The following TFB2M variants were observed in gnomAD, a reference collection of about 807,000 sequenced individuals.
The protein encoded by TFB2M is dimethyladenosine transferase 2, mitochondrial.
TFB2M carries 44 observed loss-of-function variants against 41.3 expected under a neutral mutation model. That is an observed-to-expected ratio of 1.07 (90% CI 0.84 to 1.37). The LOEUF (loss-of-function observed/expected upper bound fraction) is 1.37, where lower values mean the gene tolerates loss of function less well. Ranked by LOEUF, TFB2M falls within the 40% of genes most tolerant of loss-of-function variation. The pLI, the probability that TFB2M is intolerant of heterozygous loss-of-function variation, is 0.00. For synonymous variants in TFB2M, 188 were observed against 176.8 expected, an observed-to-expected ratio of 1.06 and a Z score of -0.50; for missense variants, 496 against 490.2, an observed-to-expected ratio of 1.01 and a Z score of -0.11.
At chr1:246,541,754 TCTTAA>T (rs1188606524) in intron 7 of TFB2M, among the ~76,000 whole-genome samples, 2 of 152,236 alleles carry the variant, frequency 1.3e-5, no homozygotes, top group African/African-American at 2.4e-5. Flanking sequence ...CAAAAAATAT[TCTTAA>T]CTTCTTTTGG....
intron 3 of TFB2M, 70 bp from the exon 4 acceptor site, chr1:246,556,791 G>T: frequency 1.6e-6 from 2 of 1,265,238 alleles, no homozygotes; most frequent in Non-Finnish European, 2.2e-6. Context: ...ATATTTTTTT[G>T]AGACAAACTA....
chr1:246,556,691 G>C lies in TFB2M; in HGVS notation c.587C>G (p.Pro196Arg). ...AAGTGCCCTTTTCTCACCTCTACTTGGGAACATTCCAACTACTTTTAAAGG... is the reference window on the plus strand; with the variant it reads ...AAGTGCCCTTTTCTCACCTCTACTTCGGAACATTCCAACTACTTTTAAAGG... ...DIPLKVVGMFPSRGEKRALWK... is the reference protein window; with the variant it reads ...DIPLKVVGMFRSRGEKRALWK... Residue 196 changes from proline (P) to arginine (R), a missense_variant, in exon 4 of 8, where the codon CCA (proline) becomes CGA (arginine). Transcript: ENST00000366514. 2 of 1,575,414 alleles carry C rather than the reference G, an allele frequency of 1.3e-6. No individual in the cohort carries two copies. The highest frequency in any genetic ancestry group is 1.7e-6 in the Non-Finnish European group (2 of 1,168,540).
intron 4 of TFB2M, among the ~76,000 whole-genome samples, chr1:246,555,122 A>C (rs1659287040): frequency 6.6e-6 from 1 of 152,200 alleles, no homozygotes; most frequent in Non-Finnish European, 1.5e-5. Flanking sequence ...GGAAAATGCA[A>C]ATCAAAAGCA....
At chr1:246,542,859 C>T (rs1572082372) in intron 7 of TFB2M, among the ~76,000 whole-genome samples, 1 of 147,212 alleles carries the variant, frequency 6.8e-6, no homozygotes. Context: ...TAATAGATTG[C>T]CTTTTATTAG....
At chr1:246,554,413 G>A (rs901655943) in intron 4 of TFB2M, among the ~76,000 whole-genome samples, 12 of 152,122 alleles carry the variant, frequency 7.9e-5, no homozygotes, top group Admixed American at 3.3e-4. Flanking sequence ...GCTCCCCACC[G>A]TTCACATCAC....
chr1:246,544,097 G>A (rs989223290), intron 7 of TFB2M, among the ~76,000 whole-genome samples: 1 of 152,204 alleles, frequency 6.6e-6, no homozygotes, highest in Non-Finnish European at 1.5e-5. Flanking sequence ...ATTTGATCCA[G>A]AGCAAGGGAA....
chr1:246,543,718 G>C lies in TFB2M; in HGVS notation c.1019+803C>G, dbSNP rs570233619. ...GGAGGCCAAGCAAGGTGGATTGCTT[G>C]AGGCCAGGAATTTGAGACCAGCCTG... is the stretch of plus-strand genomic sequence containing the variant. On this transcript the variant is annotated intron_variant, in intron 7 of 7. Coordinates refer to ENST00000366514, the MANE Select transcript of TFB2M (RefSeq NM_022366.3). 3.9e-5 allele frequency among the ~76,000 whole-genome samples: 6 copies of C among 152,340 alleles called. No homozygotes were observed. In the South Asian group the frequency reaches 1.0e-3, roughly 26 times the overall value.
In TFB2M at chr1:246,560,367, C is replaced by CA. The variant is rs1659426630; in HGVS notation, c.403-2834dup. Among the ~76,000 whole-genome samples, 4 of 152,172 alleles carry CA rather than the reference C, an allele frequency of 2.6e-5. No individual in the cohort carries two copies. The South Asian group carries it at 8.3e-4, about 32-fold the overall frequency. On this transcript the variant is annotated intron_variant, in intron 2 of 7. Transcript: ENST00000366514. ...CAAAACCCTGTCTCTACTAATAATA[C>CA]AAAAAATCAGCCAGGTGTGGGGGCG... is the stretch of plus-strand genomic sequence containing the variant.
At position 246,542,898 on chromosome 1, in the gene TFB2M, C is replaced by CTT. The variant is rs35984926; in HGVS notation, c.1019+1621_1019+1622dup. Among the ~76,000 whole-genome samples the CTT allele has an allele frequency of 1.5e-4, 17 of 112,076 alleles. No homozygotes were observed. The East Asian group carries it at 2.8e-3, about 19-fold the overall frequency. 73.5% of individuals were successfully genotyped at this position (112,076 alleles called of 152,430 possible). The stretch of plus-strand genomic sequence containing the variant: ...ATTGCCTTTTACTAGTCTATTACCA[C>CTT]TTTTTTTTTTTTTTTTTTTTAGAGA... On this transcript the variant is annotated intron_variant, in intron 7 of 7. Transcript: ENST00000366514.
At chr1:246,564,058 T>C (rs1320071596) in intron 2 of TFB2M, among the ~76,000 whole-genome samples, 1 of 152,124 alleles carries the variant, frequency 6.6e-6, no homozygotes, top group East Asian at 1.9e-4. Context: ...TTAGTAGAAA[T>C]GGGGAAACAA....
chr1:246,562,079 C>T (rs1369722476), intron 2 of TFB2M, among the ~76,000 whole-genome samples: 1 of 152,060 alleles, frequency 6.6e-6, no homozygotes, highest in Admixed American at 6.5e-5. Context: ...CTAGCTAAAA[C>T]CTTGAACTCT....
intron 1 of TFB2M, 106 bp downstream of exon 1, chr1:246,565,720 G>T: frequency 7.9e-7 from 1 of 1,264,594 alleles, no homozygotes; most frequent in Non-Finnish European, 1.1e-6. Flanking sequence ...CAAAGCAAAA[G>T]AACAACAAAA....
At chr1:246,552,759 T>G (rs1461145844) in intron 4 of TFB2M, among the ~76,000 whole-genome samples, 1 of 151,630 alleles carries the variant, frequency 6.6e-6, no homozygotes, top group Non-Finnish European at 1.5e-5. Context: ...CCCTTAAATA[T>G]TAAAAAAAAA....
At chr1:246,545,013 G>T (rs199502999) in intron 6 of TFB2M, among the ~76,000 whole-genome samples, 269 of 151,942 alleles carry the variant, frequency 1.8e-3, no homozygotes, top group East Asian at 6.0e-3. Context: ...CACCGTGTTA[G>T]CCAGGATGGT....
chr1:246,549,187 C>G (rs778409602), intron 5 of TFB2M, among the ~76,000 whole-genome samples: 13 of 151,742 alleles, frequency 8.6e-5, no homozygotes, highest in Non-Finnish European at 1.8e-4. Context: ...GAGACCCTAT[C>G]CAAAAACAAC....
chr1:246,565,916 C>G lies in TFB2M; in HGVS notation c.223G>C (p.Val75Leu). 1 of 1,614,164 alleles carries G rather than the reference C, an allele frequency of 6.2e-7. No homozygotes were observed. The highest frequency in any genetic ancestry group is 8.5e-7 in the Non-Finnish European group (1 of 1,180,006). Residue 75 changes from valine (V) to leucine (L), a missense_variant, in exon 1 of 8, where the codon GTA (valine) becomes CTA (leucine). Transcript: ENST00000366514. ...GTCTCAGCCAATCTCCGATCGGTTACGTAACGCTTAAAGTCTAAGCTGGCC... is the reference window on the plus strand; with the variant it reads ...GTCTCAGCCAATCTCCGATCGGTTAGGTAACGCTTAAAGTCTAAGCTGGCC... ...SKASLDFKRY[V>L]TDRRLAETLA...
At chr1:246,562,845 A>G (rs1659492498) in intron 2 of TFB2M, among the ~76,000 whole-genome samples, 1 of 152,002 alleles carries the variant, frequency 6.6e-6, no homozygotes, top group African/African-American at 2.4e-5. Context: ...TTTTTAGTAG[A>G]GACGGGGTTT....
At chr1:246,547,716 A>G (rs536978368) in intron 6 of TFB2M, among the ~76,000 whole-genome samples, 1 of 152,158 alleles carries the variant, frequency 6.6e-6, no homozygotes, top group African/African-American at 2.4e-5. Flanking sequence ...CTAATTCTAA[A>G]GTGAAACTTC....
chr1:246,544,449 T>G, intron 7 of TFB2M, 72 bp downstream of exon 7: 1 of 1,355,146 alleles, frequency 7.4e-7, no homozygotes, highest in Non-Finnish European at 1.0e-6. Flanking sequence ...GATATAAAAA[T>G]AGATCTCTAG....
Sources: gnomAD v4.1 joint callset for allele counts (sites outside exome capture counted in the v4.1 genomes callset) on GRCh38, gnomAD v4.1.1 for gene constraint, MANE v1.5 for transcripts, NCBI Gene and HGNC (gene_info 2026-07-23, HGNC 2026-07-21) for gene names.